Variants in SAMD8 observed in about 807,000 individuals in gnomAD.
SAMD8 encodes sterile alpha motif domain containing 8, also known as sphingomyelin synthase-related protein 1.
SAMD8 carries 20 observed loss-of-function variants against 42.0 expected under a neutral mutation model. That is an observed-to-expected ratio of 0.48 (90% CI 0.34 to 0.69). The LOEUF (loss-of-function observed/expected upper bound fraction) is 0.69, where lower values mean the gene tolerates loss of function less well. Ranked by LOEUF, SAMD8 falls within the 30% of genes least tolerant of loss-of-function variation. The probability of loss-of-function intolerance (pLI) is 0.01; values close to 1 mark genes in which losing one functional copy is unlikely to be tolerated. For synonymous variants in SAMD8, 162 were observed against 173.0 expected (o/e 0.94, Z 0.50); for missense variants, 328 against 511.6 (o/e 0.64, Z 3.46).
chr10:75,102,202 C>T (rs532383754), intron 1 of SAMD8, among the ~76,000 whole-genome samples: 78 of 152,248 alleles, frequency 5.1e-4, no homozygotes, highest in African/African-American at 1.9e-3. Flanking sequence ...AGGGGCCGGG[C>T]GCGGTGGCTG....
chr10:75,171,649 G>T (rs1319110190), intron 4 of SAMD8, among the ~76,000 whole-genome samples: 1 of 152,102 alleles, frequency 6.6e-6, no homozygotes, highest in African/African-American at 2.4e-5. Flanking sequence ...CTTGTACATT[G>T]TGCTTTTGCA....
intron 1 of SAMD8, among the ~76,000 whole-genome samples, chr10:75,126,599 T>G (rs1015636166): frequency 6.7e-6 from 1 of 149,068 alleles, no homozygotes; most frequent in African/African-American, 2.5e-5. Flanking sequence ...CCTCCTAGGC[T>G]CAAGTGGTCT....
chr10:75,107,242 C>T (rs144872501), upstream of SAMD8, among the ~76,000 whole-genome samples: 118 of 150,724 alleles, frequency 7.8e-4, 1 homozygote, highest in East Asian at 0.013. Context: ...GGCTGAGACA[C>T]GAAAATTGCT....
intron 1 of SAMD8, among the ~76,000 whole-genome samples, chr10:75,121,904 C>G (rs995849029): frequency 2.0e-5 from 3 of 152,110 alleles, no homozygotes; most frequent in African/African-American, 7.2e-5. Context: ...GTTGGCCAGG[C>G]TGGTCTTGAA....
chr10:75,133,362 C>T (rs147435099), intron 1 of SAMD8, among the ~76,000 whole-genome samples: 482 of 151,772 alleles, frequency 3.2e-3, no homozygotes, highest in Admixed American at 5.7e-3. Flanking sequence ...AAGACTGCAC[C>T]ACTGCACTCC....
chr10:75,113,494 G>A (rs1020707065), intron 1 of SAMD8, among the ~76,000 whole-genome samples: 6 of 151,890 alleles, frequency 4.0e-5, no homozygotes, highest in Admixed American at 6.6e-5. Flanking sequence ...GCAGGTGGGC[G>A]CCACCATGGC....
At chr10:75,142,167 TA>T (rs1371861276) in intron 1 of SAMD8, among the ~76,000 whole-genome samples, 3 of 151,020 alleles carry the variant, frequency 2.0e-5, no homozygotes, top group Non-Finnish European at 4.4e-5. Flanking sequence ...AGGCTGGTCT[TA>T]AACTCCTGAC....
intron 2 of SAMD8, among the ~76,000 whole-genome samples, chr10:75,159,053 TTTTC>T (rs1484497748): frequency 7.3e-6 from 1 of 137,130 alleles, no homozygotes; most frequent in East Asian, 2.1e-4. Flanking sequence ...ACAAATTTTT[TTTTC>T]TTTTTCTTTT....
intron 1 of SAMD8, among the ~76,000 whole-genome samples, chr10:75,124,136 A>G (rs1034152672): frequency 2.6e-5 from 4 of 152,108 alleles, no homozygotes; most frequent in African/African-American, 9.7e-5. Flanking sequence ...TAAACAAACA[A>G]AACACCCAAA....
chr10:75,176,943 A>C lies in SAMD8; in HGVS notation c.*251A>C. On this transcript the variant is annotated 3_prime_UTR_variant, in exon 6 of 6. Coordinates refer to ENST00000542569, the MANE Select transcript of SAMD8 (RefSeq NM_001174156.2). The surrounding 1 kb of genome is among the most constrained non-coding windows in gnomAD (Gnocchi z 4.3). ...CTCTTTAGGAAGACTTAATGTTGTG[A>C]TTGAAGTCAGGCTGTACCCTTACCT... The C allele has an allele frequency of 2.5e-6, 1 of 399,888 alleles. No homozygotes were observed. The highest frequency in any genetic ancestry group is 4.5e-6 in the Non-Finnish European group (1 of 224,278). The allele number at this position is 399,888 out of a possible 1,614,324, so 24.8% of individuals were successfully genotyped here. A position where few individuals can be genotyped will look rare whatever the true frequency, so the allele number is the denominator to read the frequency against.
intron 1 of SAMD8, among the ~76,000 whole-genome samples, chr10:75,142,846 C>T (rs1840051857): frequency 6.6e-6 from 1 of 151,858 alleles, no homozygotes; most frequent in Non-Finnish European, 1.5e-5. Flanking sequence ...AACAAAACAT[C>T]AATACAAATG....
intron 2 of SAMD8, among the ~76,000 whole-genome samples, chr10:75,155,890 T>A (rs1187657958): frequency 1.3e-5 from 2 of 152,158 alleles, no homozygotes; most frequent in African/African-American, 4.8e-5. Flanking sequence ...ACAATAGCAC[T>A]ATGAGCACAC....
intron 1 of SAMD8, among the ~76,000 whole-genome samples, chr10:75,136,142 G>T (rs1354134464): frequency 6.6e-6 from 1 of 151,412 alleles, no homozygotes; most frequent in African/African-American, 2.4e-5. Context: ...TTAATTTGTA[G>T]TATGGTACTT....
chr10:75,163,377 G>A (rs1251332545), intron 2 of SAMD8, among the ~76,000 whole-genome samples: 2 of 152,108 alleles, frequency 1.3e-5, no homozygotes, highest in African/African-American at 4.8e-5. Context: ...GTTCGTTTCA[G>A]TCTCCTTCCC....
At chr10:75,144,323 C>T (rs989952638) in intron 1 of SAMD8, among the ~76,000 whole-genome samples, 1 of 149,098 alleles carries the variant, frequency 6.7e-6, no homozygotes, top group Non-Finnish European at 1.5e-5. Flanking sequence ...TGTTGTGCAA[C>T]CATTATCACC....
At chr10:75,131,189 T>G (rs182141525) in intron 1 of SAMD8, among the ~76,000 whole-genome samples, 81 of 152,350 alleles carry the variant, frequency 5.3e-4, no homozygotes, top group Non-Finnish European at 9.7e-4. Context: ...TCCCTTTCTT[T>G]CCTTCCTCAT....
chr10:75,119,508 C>T (rs533649270), intron 1 of SAMD8, among the ~76,000 whole-genome samples: 3 of 152,100 alleles, frequency 2.0e-5, no homozygotes, highest in Admixed American at 6.6e-5. Flanking sequence ...TTGTGAATTC[C>T]TTTAGGGGCA....
chr10:75,149,095 A>T (rs539612292), intron 1 of SAMD8, among the ~76,000 whole-genome samples: 79 of 152,314 alleles, frequency 5.2e-4, no homozygotes, highest in Middle Eastern at 3.4e-3. Flanking sequence ...TTAAAAAATT[A>T]TCTCAGGTGG....
chr10:75,169,414 G>A (rs183615922), intron 4 of SAMD8, among the ~76,000 whole-genome samples: 98 of 151,766 alleles, frequency 6.5e-4, no homozygotes, highest in African/African-American at 2.1e-3. Context: ...CCTGGGAGGC[G>A]GAGGTTGTAG....
Sources: gnomAD v4.1 joint callset for allele counts (sites outside exome capture counted in the v4.1 genomes callset) on GRCh38, gnomAD v4.1.1 for gene constraint, Gnocchi (gnomAD v3.1) non-coding constraint, MANE v1.5 for transcripts, NCBI Gene and HGNC (gene_info 2026-07-23, HGNC 2026-07-21) for gene names.